The following ATP1A4 variants were observed in gnomAD, a reference collection of about 807,000 sequenced individuals.
ATP1A4 encodes ATPase Na+/K+ transporting subunit alpha 4, also known as sodium/potassium-transporting ATPase subunit alpha-4.
A neutral mutation model predicts 114.3 loss-of-function variants in ATP1A4; 90 were observed. The observed-to-expected ratio is 0.79, with a 90% confidence interval of 0.66 to 0.94. The LOEUF is 0.94. ATP1A4 is among the 40% of genes least tolerant of loss of function. ATP1A4 has a pLI of 0.00. For synonymous variants in ATP1A4, 511 were observed against 494.1 expected, an observed-to-expected ratio of 1.03 and a Z score of -0.45; for missense variants, 1,222 against 1,313.6, an observed-to-expected ratio of 0.93 and a Z score of 1.08.
chr1:160,186,537 C>G, intron 21 of ATP1A4, 134 bp from the exon 22 acceptor site: 1 of 1,141,316 alleles, frequency 8.8e-7, no homozygotes. Flanking sequence ...CACCCCTCTG[C>G]TCCATCTGAC....
intron 6 of ATP1A4, among the ~76,000 whole-genome samples, chr1:160,161,651 A>G (rs1418187263): frequency 2.0e-5 from 3 of 152,236 alleles, no homozygotes; most frequent in African/African-American, 4.8e-5. Flanking sequence ...CCAAAATAGG[A>G]AACTCCTCAG....
At chr1:160,164,498 T>C in intron 7 of ATP1A4, 74 bp downstream of exon 7, 1 of 1,527,304 alleles carries the variant, frequency 6.5e-7, no homozygotes, top group Non-Finnish European at 8.9e-7. Context: ...TAGCGTCTCT[T>C]TTGTTGTTGA....
chr1:160,172,535 T>C (rs1377777498), intron 12 of ATP1A4, among the ~76,000 whole-genome samples: 3 of 152,202 alleles, frequency 2.0e-5, no homozygotes, highest in Non-Finnish European at 4.4e-5. Flanking sequence ...CTTCATGGGA[T>C]GGCAGCAGTA....
intron 12 of ATP1A4, 149 bp downstream of exon 12, chr1:160,171,906 G>C: frequency 3.7e-6 from 3 of 800,204 alleles, no homozygotes; most frequent in Non-Finnish European, 3.8e-6. Context: ...TTAATAGTAA[G>C]TTTCCTCTCC....
In ATP1A4 at chr1:160,164,315, C is replaced by CT; in HGVS notation, c.945dup (p.Ala316CysfsTer27). Reference sequence around the variant, plus strand: ...GTGGTGGCCGTCTTCCTTGGTGTCACTTTTTTTGCGCTCTCACTTCTCTTG... The same window carrying CT: ...GTGGTGGCCGTCTTCCTTGGTGTCACTTTTTTTTGCGCTCTCACTTCTCTTG... On this transcript the variant is annotated frameshift_variant, in exon 7 of 22. Coordinates refer to ENST00000368081, the MANE Select transcript of ATP1A4 (RefSeq NM_144699.4). LOFTEE classifies it high-confidence loss of function. The CT allele has an allele frequency of 1.9e-6, 3 of 1,614,136 alleles. No individual in the cohort carries two copies. Among genetic ancestry groups the CT allele is most frequent in the Non-Finnish European group, 2.5e-6 (3 of 1,180,028 alleles).
chr1:160,167,086 C>A lies in ATP1A4; in HGVS notation c.1356+9C>A. 1 of 1,612,862 alleles carries A rather than the reference C, an allele frequency of 6.2e-7. No individual in the cohort carries two copies. On this transcript the variant is annotated intron_variant, in intron 9 of 21. Coordinates refer to ENST00000368081, the MANE Select transcript of ATP1A4 (RefSeq NM_144699.4). ...TCCTGCCCATTGCTAAGGTGTCAGG[C>A]CCAAGGGGAAGAGGGTACCTCAGTG...
chr1:160,155,447 C>G (rs918546608), intron 3 of ATP1A4, among the ~76,000 whole-genome samples, 199 bp downstream of exon 3: 2 of 151,724 alleles, frequency 1.3e-5, no homozygotes, highest in Admixed American at 6.6e-5. Flanking sequence ...TGATTAATTA[C>G]ATTGTAATGA....
chr1:160,173,847 A>G, intron 13 of ATP1A4, 130 bp downstream of exon 13: 3 of 1,221,484 alleles, frequency 2.5e-6, no homozygotes, highest in Non-Finnish European at 3.4e-6. Context: ...TACACTACAA[A>G]GTAAAACATA....
At chr1:160,175,043 T>A (rs1653412402) in intron 15 of ATP1A4, among the ~76,000 whole-genome samples, 1 of 152,174 alleles carries the variant, frequency 6.6e-6, no homozygotes, top group Admixed American at 6.5e-5. Flanking sequence ...TCACTGGACT[T>A]CAAGTAGGCC....
Position 160,151,986 on chromosome 1 carries a change from C to G in ATP1A4, c.-55C>G. On this transcript the variant is annotated 5_prime_UTR_variant, in exon 1 of 22. Transcript: ENST00000368081. ...GCCCTCTTCCCTTCCCCTTGCCTCA[C>G]TCTCTCAGCTTTCTTCCCACAGTTG... is the stretch of plus-strand genomic sequence containing the variant. 2 of 1,574,156 alleles carry G rather than the reference C, an allele frequency of 1.3e-6. No homozygotes were observed. The highest frequency in any genetic ancestry group is 1.7e-6 in the Non-Finnish European group (2 of 1,161,374).
rs533075640 is a variant in ATP1A4, at chr1:160,152,466, G to A, written c.147+279G>A. On this transcript the variant is annotated intron_variant, in intron 1 of 21. Coordinates refer to ENST00000368081, the MANE Select transcript of ATP1A4 (RefSeq NM_144699.4). ...CCACTTACAGGCTGGGTACTTATAGGGATGGATGGGAGGAGTCTGGGCTGT... is the reference window on the plus strand; with the variant it reads ...CCACTTACAGGCTGGGTACTTATAGAGATGGATGGGAGGAGTCTGGGCTGT... Among the ~76,000 whole-genome samples the A allele has an allele frequency of 3.9e-5, 6 of 152,280 alleles. No homozygotes were observed. The East Asian group carries it at 1.2e-3, about 29-fold the overall frequency.
chr1:160,159,002 C>A lies in ATP1A4; in HGVS notation c.526C>A (p.Gln176Lys), dbSNP rs748731446. Reference sequence around the variant, plus strand: ...ATGATCCTGCACTATCCTCTCATAGCAAGCTCTGGTAATTCGAGGAGGAGA... The same window carrying A: ...ATGATCCTGCACTATCCTCTCATAGAAAGCTCTGGTAATTCGAGGAGGAGA... The part of the protein sequence containing the change: ...MESFKNMVPQ[Q>K]ALVIRGGEKM... The change falls in exon 5 of 22, where the codon CAA becomes AAA. Residue 176 changes from glutamine (Q) to lysine (K), a missense_variant and splice_region_variant. Gln to Lys is a moderately conservative substitution (Grantham distance 53). Coordinates refer to ENST00000368081, the MANE Select transcript of ATP1A4 (RefSeq NM_144699.4). The A allele has an allele frequency of 6.2e-7, 1 of 1,613,322 alleles. No individual in the cohort carries two copies.
chr1:160,186,707 A>G lies in ATP1A4; in HGVS notation c.*8A>G, dbSNP rs1653908004. The G allele has an allele frequency of 6.2e-6, 10 of 1,610,476 alleles. No individual in the cohort carries two copies. The highest frequency in any genetic ancestry group is 8.5e-6 in the Non-Finnish European group (10 of 1,178,386). On this transcript the variant is annotated 3_prime_UTR_variant, in exon 22 of 22. Transcript: ENST00000368081. ...AGGGAGACGTACTACTAAACTCAGC[A>G]GATGAAGAGCTTCATGTGACACAGG... is the stretch of plus-strand genomic sequence containing the variant.
rs778008493 is a variant in ATP1A4 at position 160,171,658 on chromosome 1, C to T, written c.1755C>T (p.Pro585=). The T allele has an allele frequency of 6.8e-6, 11 of 1,614,012 alleles. No individual in the cohort carries two copies. Among genetic ancestry groups the T allele is most frequent in the African/African-American group, 5.3e-5 (4 of 74,894 alleles). The change falls in exon 12 of 22, where the codon CCC becomes CCT. Residue 585 remains proline, a synonymous_variant. Transcript: ENST00000368081. ...FPFNTDEINF[P]MDNLCFVGLI... ...TTAATACAGATGAAATAAATTTCCC[C>T]ATGGACAACCTTTGTTTTGTGGGCC...
rs746513994 is a variant in ATP1A4, at chr1:160,176,169, C to G, written c.2389C>G (p.Leu797Val). ...CAACATCCCCGAGATCACGCCCTTC[C>G]TGATGTTCATCATCCTCGGTATACC... is the stretch of plus-strand genomic sequence containing the variant. ...TSNIPEITPF[L>V]MFIILGIPLP... The change falls in exon 16 of 22, where the codon CTG becomes GTG. Residue 797 changes from leucine (L) to valine (V), a missense_variant. Leu to Val is a conservative substitution (Grantham distance 32). Transcript: ENST00000368081. 9.3e-6 allele frequency: 15 copies of G among 1,614,136 alleles called. No homozygotes were observed. The highest frequency in any genetic ancestry group is 1.3e-5 in the Non-Finnish European group (15 of 1,180,008).
intron 15 of ATP1A4, among the ~76,000 whole-genome samples, chr1:160,175,359 T>C (rs1211012994): frequency 6.6e-6 from 1 of 152,142 alleles, no homozygotes; most frequent in Non-Finnish European, 1.5e-5. Context: ...ACCATTTCAT[T>C]GAAACCTTGT....
intron 7 of ATP1A4, among the ~76,000 whole-genome samples, chr1:160,166,103 C>A (rs1041697293): frequency 6.6e-6 from 1 of 152,158 alleles, no homozygotes; most frequent in African/African-American, 2.4e-5. Flanking sequence ...AACCCTGTCT[C>A]TACTAAAAAT....
chr1:160,179,778 T>C lies in ATP1A4; in HGVS notation c.2737-1906T>C, dbSNP rs57371384. On this transcript the variant is annotated intron_variant, in intron 18 of 21. Coordinates refer to ENST00000368081, the MANE Select transcript of ATP1A4 (RefSeq NM_144699.4). ...CAAGTTATTGCTCTCATGGAGCTTATTTCTAGTTAGGGATGGGAAGACAGA... is the reference window on the plus strand; with the variant it reads ...CAAGTTATTGCTCTCATGGAGCTTACTTCTAGTTAGGGATGGGAAGACAGA... Among the ~76,000 whole-genome samples the C allele has an allele frequency of 8.5e-5, 13 of 152,322 alleles. No individual in the cohort carries two copies. In the East Asian group the frequency reaches 2.3e-3, roughly 27 times the overall value.
Position 160,156,075 on chromosome 1 carries a change from G to T in ATP1A4, c.442G>T (p.Val148Phe), listed in dbSNP as rs761139345. Reference sequence around the variant, plus strand: ...CCTGAGCATCGTACTGTCCGTCGTGGTCATCGTCACTGGCTGCTTCTCCTA... The same window carrying T: ...CCTGAGCATCGTACTGTCCGTCGTGTTCATCGTCACTGGCTGCTTCTCCTA... The part of the protein sequence containing the change: ...LYLSIVLSVV[V>F]IVTGCFSYYQ... Residue 148 changes from valine to phenylalanine, a missense_variant, in exon 4 of 22, where the codon GTC (valine) becomes TTC (phenylalanine). Physicochemically the swap from Val to Phe is conservative, Grantham distance 50 (BLOSUM62 -1). Transcript: ENST00000368081. 5.6e-6 allele frequency: 9 copies of T among 1,613,836 alleles called. No homozygotes were observed. In the East Asian group the frequency reaches 1.8e-4, roughly 32 times the overall value.
Sources: allele counts gnomAD v4.1 joint callset (sites outside exome capture counted in the v4.1 genomes callset), GRCh38; gene constraint gnomAD v4.1.1; transcripts MANE v1.5; gene names NCBI Gene and HGNC (gene_info 2026-07-23, HGNC 2026-07-21).